The following OSBPL1A variants were observed in gnomAD, a reference collection of about 807,000 sequenced individuals.
OSBPL1A encodes the protein oxysterol binding protein like 1A, also known as oxysterol-binding protein-related protein 1.
OSBPL1A carries 80 observed loss-of-function variants against 137.1 expected under a neutral mutation model. That is an observed-to-expected ratio of 0.58 (90% confidence interval 0.49 to 0.70). The LOEUF (loss-of-function observed/expected upper bound fraction) is 0.70, where lower values mean the gene tolerates loss of function less well. Among genes scored for constraint, OSBPL1A ranks in the 30% least tolerant of loss-of-function variants. The pLI, the probability that OSBPL1A is intolerant of heterozygous loss-of-function variation, is 0.00. For missense variants in OSBPL1A, 970 were observed against 1,129.4 expected (o/e 0.86, Z 2.02); for synonymous variants, 365 against 389.7 (o/e 0.94, Z 0.75).
At chr18:24,370,770 C>G (rs1234793902) in intron 2 of OSBPL1A, among the ~76,000 whole-genome samples, 1 of 152,180 alleles carries the variant, frequency 6.6e-6, no homozygotes, top group Non-Finnish European at 1.5e-5. Context: ...TGGGCTCAAG[C>G]AACTCTCCCA....
intron 27 of OSBPL1A, 31 bp from the exon 28 acceptor site, chr18:24,163,312 G>C (rs1440653724): frequency 2.7e-6 from 4 of 1,470,962 alleles, no homozygotes; most frequent in Non-Finnish European, 3.8e-6. Context: ...AGACTTACAG[G>C]GGAAACTATG....
chr18:24,281,018 A>C, intron 14 of OSBPL1A, 70 bp from the exon 15 acceptor site: 1 of 893,466 alleles, frequency 1.1e-6, no homozygotes, highest in Non-Finnish European at 1.7e-6. Context: ...GACCACAAAA[A>C]TACTCTCATA....
chr18:24,382,360 T>C lies in OSBPL1A; in HGVS notation c.-2-4825A>G, dbSNP rs189848674. 3.9e-4 allele frequency among the ~76,000 whole-genome samples: 59 copies of C among 149,888 alleles called. 2 individuals are homozygous for C. The East Asian group carries it at 0.011, about 29-fold the overall frequency. ...AGGCAGAGCTTGCAGTGAGCTGAGA[T>C]TGTGCCACCGCACTCTAGCCTGGGC... On this transcript the variant is annotated intron_variant, in intron 1 of 27. Coordinates refer to ENST00000319481, the MANE Select transcript of OSBPL1A (RefSeq NM_080597.4).
At chr18:24,174,098 G>A (rs2086364813) in intron 21 of OSBPL1A, among the ~76,000 whole-genome samples, 1 of 152,218 alleles carries the variant, frequency 6.6e-6, no homozygotes, top group African/African-American at 2.4e-5. Context: ...CCGCTGTATG[G>A]ATATGCCACA....
chr18:24,323,206 T>TA (rs2090899074), intron 7 of OSBPL1A, among the ~76,000 whole-genome samples: 1 of 151,920 alleles, frequency 6.6e-6, no homozygotes, highest in South Asian at 2.1e-4. Flanking sequence ...AACTTTTTTT[T>TA]AATGCGATAC....
chr18:24,235,024 A>G (rs1398360951), intron 16 of OSBPL1A, among the ~76,000 whole-genome samples: 1 of 152,140 alleles, frequency 6.6e-6, no homozygotes, highest in Non-Finnish European at 1.5e-5. Context: ...GAGTGTGAAG[A>G]GGCAGTAGGG....
intron 1 of OSBPL1A, among the ~76,000 whole-genome samples, chr18:24,386,232 C>G (rs142297957): frequency 1.3e-5 from 2 of 152,252 alleles, no homozygotes; most frequent in East Asian, 3.9e-4. Context: ...GAGAAAGGAA[C>G]AGAGCCAGTT....
At chr18:24,170,570 T>G in intron 23 of OSBPL1A, 117 bp from the exon 24 acceptor site, 1 of 1,159,186 alleles carries the variant, frequency 8.6e-7, no homozygotes, top group Non-Finnish European at 1.3e-6. Flanking sequence ...TGACCCTGCT[T>G]AGCTTCCAAG....
intron 15 of OSBPL1A, among the ~76,000 whole-genome samples, chr18:24,250,465 T>C (rs558754227): frequency 6.6e-6 from 1 of 152,284 alleles, no homozygotes; most frequent in Admixed American, 6.5e-5. Context: ...CGTGAGCCAC[T>C]GCACCCAGCC....
At chr18:24,270,266 A>G (rs531672333) in intron 15 of OSBPL1A, among the ~76,000 whole-genome samples, 2 of 152,372 alleles carry the variant, frequency 1.3e-5, no homozygotes, top group South Asian at 4.1e-4. Flanking sequence ...ATGATGTTGC[A>G]TAATTATTTT....
chr18:24,321,040 A>AAGAG (rs1555650634), intron 7 of OSBPL1A, among the ~76,000 whole-genome samples: 1 of 146,032 alleles, frequency 6.8e-6, no homozygotes, highest in African/African-American at 2.5e-5. Flanking sequence ...AAAAAAAAAA[A>AAGAG]AAAAAGAAAA....
intron 1 of OSBPL1A, among the ~76,000 whole-genome samples, chr18:24,391,146 G>A (rs1049215266): frequency 1.1e-4 from 16 of 152,102 alleles, no homozygotes; most frequent in African/African-American, 3.4e-4. Context: ...GAACATGGAC[G>A]AACCTGGAAT....
chr18:24,213,959 T>C lies in OSBPL1A; in HGVS notation c.1601+11083A>G, dbSNP rs77294224. On this transcript the variant is annotated intron_variant, in intron 17 of 27. Transcript: ENST00000319481. ...TTCACATTTGAAAGCAAAAAGGAAA[T>C]GATGAAAAAATATCTCTGAATCAGG... Among the ~76,000 whole-genome samples, 1,259 of 152,278 alleles carry C rather than the reference T, an allele frequency of 8.3e-3. 18 individuals are homozygous for C. The highest frequency in any genetic ancestry group is 0.029 in the African/African-American group (1,186 of 41,550).
intron 17 of OSBPL1A, among the ~76,000 whole-genome samples, chr18:24,202,337 T>C (rs2087245218): frequency 6.6e-6 from 1 of 152,252 alleles, no homozygotes; most frequent in African/African-American, 2.4e-5. Flanking sequence ...GTTCAACTTC[T>C]TACCTACATG....
intron 13 of OSBPL1A, among the ~76,000 whole-genome samples, chr18:24,309,774 T>C (rs1199879556): frequency 1.3e-5 from 2 of 152,102 alleles, no homozygotes; most frequent in East Asian, 1.9e-4. Context: ...TGGCCAGGCA[T>C]GGTGGCTCAT....
intron 17 of OSBPL1A, among the ~76,000 whole-genome samples, chr18:24,206,517 A>C (rs1003566594): frequency 2.0e-5 from 3 of 152,228 alleles, no homozygotes; most frequent in African/African-American, 7.2e-5. Context: ...TCATTTAATT[A>C]AAATGACGAA....
Position 24,334,301 on chromosome 18 carries a change from C to T in OSBPL1A, c.424G>A (p.Glu142Lys). Residue 142 changes from glutamate to lysine, a missense_variant, in exon 6 of 28, where the codon GAA (glutamate) becomes AAA (lysine). This residue lies in a region of OSBPL1A where 647 missense variants were observed against 672.6 expected (regional missense o/e 0.96). Transcript: ENST00000319481. ...AVERTQQRKL[E>K]ELLLAAAREG... Reference sequence around the variant, plus strand: ...CTTGCTGCTGCTAAAAGTAATTCTTCAAGCTTTCTTTGTTGAGTCCTTTCT... The same window carrying T: ...CTTGCTGCTGCTAAAAGTAATTCTTTAAGCTTTCTTTGTTGAGTCCTTTCT... The T allele has an allele frequency of 6.2e-7, 1 of 1,611,780 alleles. No individual in the cohort carries two copies. The highest frequency in any genetic ancestry group is 8.5e-7 in the Non-Finnish European group (1 of 1,179,226).
At chr18:24,355,938 T>C (rs889017216) in intron 4 of OSBPL1A, among the ~76,000 whole-genome samples, 1 of 143,436 alleles carries the variant, frequency 7.0e-6, no homozygotes, top group African/African-American at 2.6e-5. Context: ...TGAGCTGAGA[T>C]CATGCCACTG....
intron 20 of OSBPL1A, chr18:24,179,029 AT>A: frequency 6.6e-6 from 1 of 152,212 alleles, no homozygotes; most frequent in African/African-American, 2.4e-5. Context: ...ATAAAGAGAT[AT>A]TTTTATAAGA....
Sources: allele counts gnomAD v4.1 joint callset (sites outside exome capture counted in the v4.1 genomes callset), GRCh38; gene constraint gnomAD v4.1.1; regional missense constraint gnomAD v4.1.1; transcripts MANE v1.5; gene names NCBI Gene and HGNC (gene_info 2026-07-23, HGNC 2026-07-21).